Variants in AGL observed in about 807,000 individuals in gnomAD.
AGL encodes the protein amylo-alpha-1,6-glucosidase and 4-alpha-glucanotransferase.
AGL carries 128 observed loss-of-function variants against 199.3 expected under a neutral mutation model. That is an observed-to-expected ratio of 0.64 (90% CI 0.56 to 0.74). The LOEUF (loss-of-function observed/expected upper bound fraction) is 0.74, where lower values mean the gene tolerates loss of function less well. Among genes scored for constraint, AGL ranks in the 30% least tolerant of loss-of-function variants. The probability of loss-of-function intolerance (pLI) is 0.00; values close to 1 mark genes in which losing one functional copy is unlikely to be tolerated. For missense variants in AGL, 1,809 were observed against 1,820.8 expected (o/e 0.99, Z 0.12); for synonymous variants, 584 against 594.7 (o/e 0.98, Z 0.26).
At position 99,891,594 on chromosome 1, in the gene AGL, T is replaced by C; in HGVS notation, c.2950-12T>C. 8.7e-6 allele frequency: 14 copies of C among 1,613,342 alleles called. No homozygotes were observed. Among genetic ancestry groups the C allele is most frequent in the Non-Finnish European group, 1.1e-5 (13 of 1,179,468 alleles). On this transcript the variant is annotated splice_polypyrimidine_tract_variant and intron_variant, in intron 22 of 33. Coordinates refer to ENST00000361915, the MANE Select transcript of AGL (RefSeq NM_000642.3). ...CATACCAAATTAACTTTCAAATTTA[T>C]TTTAATTACAGGTTGGTAAATGGTT...
At chr1:99,872,819 G>A (rs557697390) in intron 7 of AGL, among the ~76,000 whole-genome samples, 1 of 152,120 alleles carries the variant, frequency 6.6e-6, no homozygotes, top group Non-Finnish European at 1.5e-5. Context: ...GAGCCACCGC[G>A]CCCAGCCTTT....
At chr1:99,852,351 CTTTTTTTTTTTTTT>C (rs11363065) in intron 2 of AGL, among the ~76,000 whole-genome samples, 2 of 97,556 alleles carry the variant, frequency 2.1e-5, no homozygotes, top group African/African-American at 8.6e-5. Flanking sequence ...GCATTCATTT[CTTTTTTTTTTTTTT>C]TTTTTTTCCT....
At chr1:99,916,387 C>T in intron 31 of AGL, 23 bp from the exon 32 acceptor site, 4 of 1,549,586 alleles carry the variant, frequency 2.6e-6, no homozygotes, top group Non-Finnish European at 3.6e-6. Flanking sequence ...TTTTATTTAA[C>T]TTAAATTTCA....
At chr1:99,901,382 TAAAAAAAAAA>T (rs58305886) in intron 26 of AGL, among the ~76,000 whole-genome samples, 1 of 107,758 alleles carries the variant, frequency 9.3e-6, no homozygotes, top group African/African-American at 3.6e-5. Flanking sequence ...TCAGTCTCTT[TAAAAAAAAAA>T]AAAAAAAAAA....
intron 7 of AGL, among the ~76,000 whole-genome samples, chr1:99,872,135 A>G (rs1202024649): frequency 1.3e-5 from 2 of 152,068 alleles, no homozygotes; most frequent in African/African-American, 4.8e-5. Context: ...AAGTACTTGA[A>G]TTTATTTAGC....
intron 20 of AGL, 100 bp downstream of exon 20, chr1:99,884,803 C>A: frequency 1.4e-6 from 2 of 1,419,972 alleles, no homozygotes; most frequent in Non-Finnish European, 2.0e-6. Flanking sequence ...CCTTGCTACT[C>A]AAAGTACGGT....
At chr1:99,901,853 C>A (rs896083093) in intron 26 of AGL, among the ~76,000 whole-genome samples, 9 of 152,184 alleles carry the variant, frequency 5.9e-5, no homozygotes, top group Admixed American at 3.9e-4. Context: ...TCATGAAGTA[C>A]TCAACATTTG....
intron 25 of AGL, among the ~76,000 whole-genome samples, chr1:99,898,130 T>C (rs1224993278): frequency 6.6e-6 from 1 of 151,314 alleles, no homozygotes; most frequent in Non-Finnish European, 1.5e-5. Context: ...CACTGCAAGC[T>C]CCGCCTCCCG....
intron 2 of AGL, among the ~76,000 whole-genome samples, chr1:99,855,751 A>G (rs980078982): frequency 3.3e-5 from 5 of 152,104 alleles, no homozygotes; most frequent in Non-Finnish European, 5.9e-5. Context: ...CAGTGAGCCA[A>G]GATCACACCA....
rs113836986 is a variant in AGL, at chr1:99,853,033, G to T, written c.82+1909G>T. ...GGGTAGAAACCTTATATTCTTTGAT[G>T]ATTTCTTCTCTTTTCCTGCAGTCTC... On this transcript the variant is annotated intron_variant, in intron 2 of 33. Transcript: ENST00000361915. Among the ~76,000 whole-genome samples the T allele has an allele frequency of 1.9e-3, 289 of 152,192 alleles. 2 individuals are homozygous for T. Among genetic ancestry groups the T allele is most frequent in the African/African-American group, 6.5e-3 (271 of 41,522 alleles).
chr1:99,895,700 T>A (rs1653245921), intron 24 of AGL, among the ~76,000 whole-genome samples: 1 of 152,186 alleles, frequency 6.6e-6, no homozygotes, highest in Admixed American at 6.5e-5. Flanking sequence ...TTTGGCCAGG[T>A]ACAGTGGCTC....
rs112599561 is a variant in AGL, at chr1:99,870,756, A to G, written c.847-2A>G. 6.4e-7 allele frequency: 1 copy of G among 1,568,250 alleles called. No individual in the cohort carries two copies. The highest frequency in any genetic ancestry group is 8.8e-7 in the Non-Finnish European group (1 of 1,139,076). On this transcript the variant is annotated splice_acceptor_variant, in intron 6 of 33. Coordinates refer to ENST00000361915, the MANE Select transcript of AGL (RefSeq NM_000642.3). LOFTEE classifies it high-confidence loss of function. Reference sequence around the variant, plus strand: ...TATTTTTTAACTATTGACATTTTTCAGTCCATCCGAAAAATAATTTGGGAG... The same window carrying G: ...TATTTTTTAACTATTGACATTTTTCGGTCCATCCGAAAAATAATTTGGGAG...
chr1:99,902,599 C>G (rs1653927880), intron 26 of AGL, 84 bp from the exon 27 acceptor site: 1 of 1,102,844 alleles, frequency 9.1e-7, no homozygotes, highest in Non-Finnish European at 1.4e-6. Flanking sequence ...TATATATTTT[C>G]ACATTACTTC....
chr1:99,865,184 G>A lies in AGL; in HGVS notation c.664+595G>A, dbSNP rs116768899. On this transcript the variant is annotated intron_variant, in intron 5 of 33. Transcript: ENST00000361915. ...ATATCAAAATATATATATATATAGG[G>A]TTTCATACTATCTATAGTTTTACAC... Among the ~76,000 whole-genome samples, 285 of 152,042 alleles carry A rather than the reference G, an allele frequency of 1.9e-3. 1 individual carries two copies. Among genetic ancestry groups the A allele is most frequent in the African/African-American group, 6.4e-3 (267 of 41,474 alleles).
chr1:99,896,536 C>G (rs1653339507), intron 25 of AGL, 148 bp downstream of exon 25: 1 of 693,568 alleles, frequency 1.4e-6, no homozygotes, highest in Non-Finnish European at 2.5e-6. Context: ...TGTATGTTCA[C>G]TTAATAGGAT....
intron 5 of AGL, among the ~76,000 whole-genome samples, chr1:99,869,468 G>A (rs1356626616): frequency 6.6e-6 from 1 of 152,184 alleles, no homozygotes; most frequent in African/African-American, 2.4e-5. Flanking sequence ...CAGCAGCAGA[G>A]CAATGTGGTT....
chr1:99,916,767 T>C, intron 33 of AGL, 36 bp downstream of exon 33: 1 of 1,601,550 alleles, frequency 6.2e-7, no homozygotes, highest in Non-Finnish European at 8.6e-7. Context: ...CCATAACTAG[T>C]GTTTAGTCAG....
intron 2 of AGL, among the ~76,000 whole-genome samples, chr1:99,857,861 A>AGGCCGGGGG (rs1649694038): frequency 2.2e-5 from 1 of 44,492 alleles, no homozygotes; most frequent in South Asian, 7.1e-4. Context: ...GGGAAGAGGG[A>AGGCCGGGGG]GAGGGCTCTT....
intron 2 of AGL, among the ~76,000 whole-genome samples, chr1:99,855,004 C>T (rs972561621): frequency 5.9e-5 from 9 of 152,024 alleles, no homozygotes; most frequent in African/African-American, 2.2e-4. Context: ...AGTTTGAGAC[C>T]TGCCTGGCCA....
Sources: gnomAD v4.1 joint callset for allele counts (sites outside exome capture counted in the v4.1 genomes callset) on GRCh38, gnomAD v4.1.1 for gene constraint, MANE v1.5 for transcripts, NCBI Gene and HGNC (gene_info 2026-07-23, HGNC 2026-07-21) for gene names.